The following CUL3 variants were observed in gnomAD, a reference collection of about 807,000 sequenced individuals.
CUL3 encodes cullin-3.
CUL3 carries 19 observed loss-of-function variants against 89.1 expected under a neutral mutation model. That is an observed-to-expected ratio of 0.21 (90% CI 0.15 to 0.31). CUL3 has a LOEUF of 0.31. Ranked by LOEUF, CUL3 falls within the 10% of genes least tolerant of loss-of-function variation. The pLI, the probability that CUL3 is intolerant of heterozygous loss-of-function variation, is 1.00. For missense variants in CUL3, 469 were observed against 942.3 expected, an observed-to-expected ratio of 0.50 and a Z score of 6.58; for synonymous variants, 351 against 308.4, an observed-to-expected ratio of 1.14 and a Z score of -1.45.
chr2:224,557,548 T>C (rs529210568), intron 2 of CUL3, 111 bp downstream of exon 2: 20 of 668,500 alleles, frequency 3.0e-5, no homozygotes, highest in Non-Finnish European at 3.8e-5. Context: ...TAGTAATTTC[T>C]ATAGGCTTCT....
At chr2:224,561,814 C>A (rs11693367) in intron 1 of CUL3, among the ~76,000 whole-genome samples, 8,195 of 152,200 alleles carry the variant, frequency 0.054, 268 homozygotes, top group African/African-American at 0.077. Context: ...TAGCTACGTA[C>A]GTGCAATGTG....
rs1418654298 is a variant in CUL3, at chr2:224,557,711, T to G, written c.212A>C (p.Glu71Ala). The change falls in exon 2 of 16, where the codon GAA becomes GCA. Residue 71 changes from glutamate to alanine, a missense_variant. Glu to Ala is a moderately radical substitution (Grantham distance 107). Coordinates refer to ENST00000264414, the MANE Select transcript of CUL3 (RefSeq NM_003590.5). ...TTCTCTTAGTCCAGTGTAGAGCTTTTCTCCATGTTTATGCAAAACCATTGT... is the reference window on the plus strand; with the variant it reads ...TTCTCTTAGTCCAGTGTAGAGCTTTGCTCCATGTTTATGCAAAACCATTGT... Reference protein sequence around the residue: ...AYTMVLHKHGEKLYTGLREVV... With the variant: ...AYTMVLHKHGAKLYTGLREVV... 1 of 1,612,088 alleles carries G rather than the reference T, an allele frequency of 6.2e-7. No homozygotes were observed. The highest frequency in any genetic ancestry group is 8.5e-7 in the Non-Finnish European group (1 of 1,179,132).
intron 3 of CUL3, 38 bp from the exon 4 acceptor site, chr2:224,514,810 G>C (rs776716688): frequency 2.1e-6 from 3 of 1,415,336 alleles, no homozygotes; most frequent in Admixed American, 3.6e-5. Flanking sequence ...TACAGTTCTT[G>C]TGAGCATAAT....
chr2:224,571,429 A>G (rs1256110159), intron 1 of CUL3, among the ~76,000 whole-genome samples: 1 of 152,186 alleles, frequency 6.6e-6, no homozygotes, highest in African/African-American at 2.4e-5. Flanking sequence ...AAAACTCTAT[A>G]AACTGTAAGA....
chr2:224,560,869 A>G (rs970346305), intron 1 of CUL3, among the ~76,000 whole-genome samples: 1 of 152,142 alleles, frequency 6.6e-6, no homozygotes, highest in Admixed American at 6.5e-5. Flanking sequence ...TCGATCTGAT[A>G]ATCTCTCAAC....
chr2:224,489,022 C>T (rs1330293643), intron 13 of CUL3, among the ~76,000 whole-genome samples: 1 of 152,212 alleles, frequency 6.6e-6, no homozygotes, highest in Non-Finnish European at 1.5e-5. Context: ...ACATGATTAT[C>T]TCAATAGATG....
intron 3 of CUL3, among the ~76,000 whole-genome samples, chr2:224,521,119 G>A (rs1017236859): frequency 6.6e-6 from 1 of 152,134 alleles, no homozygotes. Flanking sequence ...GCAAGAAAAA[G>A]TTTAGTAAAT....
chr2:224,485,004 G>A lies in CUL3; in HGVS notation c.1843-2926C>T, dbSNP rs1574616152. Reference sequence around the variant, plus strand: ...AGGGTGAGCAGAAGCAGGGTGGGGCGTCACCTCACCTGGGAAGCACAAGGG... The same window carrying A: ...AGGGTGAGCAGAAGCAGGGTGGGGCATCACCTCACCTGGGAAGCACAAGGG... On this transcript the variant is annotated intron_variant, in intron 13 of 15. Coordinates refer to ENST00000264414, the MANE Select transcript of CUL3 (RefSeq NM_003590.5). The surrounding 1 kb of genome is among the most constrained non-coding windows in gnomAD (Gnocchi z 4.1). Among the ~76,000 whole-genome samples the A allele has an allele frequency of 2.0e-5, 3 of 152,246 alleles. No homozygotes were observed. Among genetic ancestry groups the A allele is most frequent in the East Asian group, 1.9e-4 (1 of 5,172 alleles).
At chr2:224,581,512 T>G (rs1695436937) in intron 1 of CUL3, among the ~76,000 whole-genome samples, 1 of 151,194 alleles carries the variant, frequency 6.6e-6, no homozygotes. Context: ...TCTTTTCTTT[T>G]TTTTTTTTTT....
intron 1 of CUL3, among the ~76,000 whole-genome samples, chr2:224,567,409 T>C (rs1475893933): frequency 6.6e-6 from 1 of 151,934 alleles, no homozygotes; most frequent in Non-Finnish European, 1.5e-5. Flanking sequence ...TTTGTAGAGA[T>C]GGGGGTCTTG....
At chr2:224,538,902 T>C (rs1020999728) in intron 2 of CUL3, among the ~76,000 whole-genome samples, 11 of 152,096 alleles carry the variant, frequency 7.2e-5, no homozygotes, top group Non-Finnish European at 1.3e-4. Flanking sequence ...GATGCAGTAG[T>C]GTGTCCGTGG....
chr2:224,521,669 C>T (rs7557769), intron 3 of CUL3, among the ~76,000 whole-genome samples: 2,808 of 152,044 alleles, frequency 0.018, 91 homozygotes, highest in African/African-American at 0.064. Context: ...TGACCCGCCT[C>T]GGCCTCTCAA....
intron 1 of CUL3, among the ~76,000 whole-genome samples, chr2:224,568,670 C>A (rs893666598): frequency 2.6e-5 from 4 of 152,146 alleles, no homozygotes; most frequent in Admixed American, 2.6e-4. Context: ...CACCTAAAGG[C>A]CTCACCCAGA....
At chr2:224,514,045 A>ACTT (rs1692942667) in intron 4 of CUL3, among the ~76,000 whole-genome samples, 1 of 152,322 alleles carries the variant, frequency 6.6e-6, no homozygotes, top group Admixed American at 6.5e-5. Flanking sequence ...AGCACCAAAG[A>ACTT]CGAAATAAAA....
At chr2:224,501,452 C>A (rs1453503173) in intron 10 of CUL3, among the ~76,000 whole-genome samples, 1 of 152,148 alleles carries the variant, frequency 6.6e-6, no homozygotes, top group African/African-American at 2.4e-5. Context: ...TAAGGCACAA[C>A]AAAAACTCTT....
chr2:224,503,332 G>A lies in CUL3; in HGVS notation c.1378-260C>T, dbSNP rs16866017. ...TTAACTAGCATCTCAGGTGATTCAC[G>A]TGCAAGTATTCTATGGACCACACTT... On this transcript the variant is annotated intron_variant, in intron 9 of 15. Coordinates refer to ENST00000264414, the MANE Select transcript of CUL3 (RefSeq NM_003590.5). Among the ~76,000 whole-genome samples the A allele has an allele frequency of 8.3e-3, 1,257 of 152,248 alleles. 10 individuals are homozygous for A. Among genetic ancestry groups the A allele is most frequent in the African/African-American group, 0.029 (1,199 of 41,542 alleles).
rs545935823 is a variant in CUL3 at position 224,507,122 on chromosome 2, C to A, written c.884-119G>T. The A allele has an allele frequency of 1.1e-5, 8 of 758,524 alleles. No homozygotes were observed. The East Asian group carries it at 2.3e-4, about 22-fold the overall frequency. The allele number at this position is 758,524 out of a possible 1,614,324, so 47.0% of individuals were successfully genotyped here. A position where few individuals can be genotyped will look rare whatever the true frequency, so the allele number is the denominator to read the frequency against. ...CTCCATTACCCCCATTTGCTGACCA[C>A]ATGACTATTAAAAATATACATATAT... is the stretch of plus-strand genomic sequence containing the variant. On this transcript the variant is annotated intron_variant, in intron 6 of 15. Transcript: ENST00000264414.
intron 2 of CUL3, chr2:224,556,207 A>C (rs571870217): frequency 6.6e-6 from 1 of 152,166 alleles, no homozygotes; most frequent in Non-Finnish European, 1.5e-5. Flanking sequence ...AAACCATCAC[A>C]TGAAAGTTTC....
rs1393649220 is a variant in CUL3 at position 224,585,124 on chromosome 2, C to T, written c.-115G>A. 2.6e-6 allele frequency: 2 copies of T among 755,056 alleles called. No homozygotes were observed. Among genetic ancestry groups the T allele is most frequent in the Non-Finnish European group, 3.6e-6 (2 of 554,778 alleles). 46.8% of individuals were successfully genotyped at this position (755,056 alleles called of 1,614,324 possible). On this transcript the variant is annotated 5_prime_UTR_variant, in exon 1 of 16. Coordinates refer to ENST00000264414, the MANE Select transcript of CUL3 (RefSeq NM_003590.5). The stretch of plus-strand genomic sequence containing the variant: ...GCTGGGGGCGGCGGCGGCGCGACCC[C>T]CGGGCAGGGCTGGGGAGCTGGCCGG...
Sources: allele counts gnomAD v4.1 joint callset (sites outside exome capture counted in the v4.1 genomes callset), GRCh38; gene constraint gnomAD v4.1.1; non-coding constraint Gnocchi (gnomAD v3.1); transcripts MANE v1.5; gene names NCBI Gene and HGNC (gene_info 2026-07-23, HGNC 2026-07-21).